The following SPG11 variants were observed in gnomAD, a reference collection of about 807,000 sequenced individuals.
SPG11 encodes SPG11 vesicle trafficking associated, spatacsin.
SPG11 carries 222 observed loss-of-function variants against 274.0 expected under a neutral mutation model. That is an observed-to-expected ratio of 0.81 (90% CI 0.73 to 0.91). The LOEUF is 0.91. Ranked by LOEUF, SPG11 falls within the 40% of genes least tolerant of loss-of-function variation. The pLI is 0.00. For synonymous variants in SPG11, 1,144 were observed against 1,039.7 expected (o/e 1.10, Z -1.93); for missense variants, 3,114 against 2,872.7 (o/e 1.08, Z -1.92).
rs577083743 is a variant in SPG11, at chr15:44,620,410, GA to G, written c.2621-8del. 42 of 1,582,598 alleles carry G rather than the reference GA, an allele frequency of 2.7e-5. No individual in the cohort carries two copies. Among genetic ancestry groups the G allele is most frequent in the Non-Finnish European group, 2.9e-5 (34 of 1,158,008 alleles). On this transcript the variant is annotated splice_region_variant and splice_polypyrimidine_tract_variant and intron_variant, in intron 14 of 39. Transcript: ENST00000261866. ...GGGGAATATGATTTGTATTCTACAT[GA>G]AAAAAAACACATTTTAAAATATAAT...
chr15:44,600,270 T>C, intron 21 of SPG11, 197 bp downstream of exon 21: 3 of 565,908 alleles, frequency 5.3e-6, no homozygotes, highest in Non-Finnish European at 9.4e-6. Flanking sequence ...TTTTTTAGAA[T>C]ACAAATTATA....
chr15:44,570,741 G>T (rs2082406448), intron 33 of SPG11, 83 bp from the exon 34 acceptor site: 1 of 1,550,876 alleles, frequency 6.4e-7, no homozygotes, highest in Non-Finnish European at 8.7e-7. Context: ...GGGAAAAAGG[G>T]CCTGGTGGAG....
intron 8 of SPG11, among the ~76,000 whole-genome samples, chr15:44,629,638 G>A (rs2084001060): frequency 6.6e-6 from 1 of 152,096 alleles, no homozygotes; most frequent in East Asian, 1.9e-4. Context: ...CTTAAGTACT[G>A]TACTTGTTGT....
At position 44,600,576 on chromosome 15, in the gene SPG11, T is replaced by C. The variant is rs760938937; in HGVS notation, c.3577A>G (p.Ile1193Val). 6.2e-6 allele frequency: 10 copies of C among 1,614,198 alleles called. No individual in the cohort carries two copies. In the South Asian group the frequency reaches 6.6e-5, roughly 11 times the overall value. ...SSPDLVNKYA[I>V]VERLNFAYYL... ...TAAGCAAAATTCAGACGTTCCACTA[T>C]AGCATATTTATTAACCAGGTCAGGG... Residue 1193 changes from isoleucine to valine, a missense_variant, in exon 21 of 40, where the codon ATA (isoleucine) becomes GTA (valine). Transcript: ENST00000261866.
intron 4 of SPG11, among the ~76,000 whole-genome samples, chr15:44,655,414 G>A (rs577978684): frequency 6.6e-6 from 1 of 152,282 alleles, no homozygotes; most frequent in African/African-American, 2.4e-5. Flanking sequence ...GAAAAGTCAT[G>A]ACATTGTAAG....
At chr15:44,585,980 G>GT in intron 28 of SPG11, 130 bp from the exon 29 acceptor site, 1 of 507,516 alleles carries the variant, frequency 2.0e-6, no homozygotes, top group Non-Finnish European at 3.3e-6. Context: ...AAAATAAAAA[G>GT]CTGTTTTTTT....
rs1419010792 is a variant in SPG11 at position 44,622,266 on chromosome 15, A to G, written c.2398T>C (p.Tyr800His). ...ATATTTTCTTGGAAATGTCCCAAAT[A>G]AAGCTTCTCAACTTGATGCACGAAG... ...IDFVHQVEKL[Y>H]LGHFQENMQI... The change falls in exon 13 of 40, where the codon TAT becomes CAT. Residue 800 changes from tyrosine to histidine, a missense_variant. By Grantham distance (83) the Tyr-to-His change is moderately conservative. Transcript: ENST00000261866. The G allele has an allele frequency of 1.2e-6, 2 of 1,611,024 alleles. No homozygotes were observed. The highest frequency in any genetic ancestry group is 2.7e-5 in the African/African-American group (2 of 74,874).
At chr15:44,632,253 T>C (rs2084088761) in intron 8 of SPG11, among the ~76,000 whole-genome samples, 1 of 152,202 alleles carries the variant, frequency 6.6e-6, no homozygotes, top group Non-Finnish European at 1.5e-5. Flanking sequence ...AGTTTGATGC[T>C]ATGGAACTTT....
chr15:44,659,737 C>T (rs1056184658), intron 2 of SPG11, among the ~76,000 whole-genome samples: 1 of 152,156 alleles, frequency 6.6e-6, no homozygotes, highest in African/African-American at 2.4e-5. Context: ...TCAGCACTGT[C>T]CAATAGAAAT....
chr15:44,568,811 A>C (rs1354009856), intron 35 of SPG11, among the ~76,000 whole-genome samples: 1 of 152,198 alleles, frequency 6.6e-6, no homozygotes, highest in Non-Finnish European at 1.5e-5. Context: ...CTGCCAGAGA[A>C]GGCATTTAAG....
intron 7 of SPG11, among the ~76,000 whole-genome samples, chr15:44,648,179 AC>A (rs1003144031): frequency 6.6e-6 from 1 of 152,220 alleles, no homozygotes; most frequent in Non-Finnish European, 1.5e-5. Context: ...ATAAAATCTT[AC>A]ATAAATTCAG....
intron 8 of SPG11, among the ~76,000 whole-genome samples, chr15:44,631,093 TC>T (rs1248381241): frequency 1.3e-5 from 2 of 152,190 alleles, no homozygotes; most frequent in African/African-American, 4.8e-5. Context: ...TTGTGCATAC[TC>T]TTAAACCTGG....
rs2083092103 is a variant in SPG11, at chr15:44,598,201, T to C, written c.4001+64A>G. On this transcript the variant is annotated intron_variant, in intron 23 of 39. Transcript: ENST00000261866. ...ACACCAGAGTTGTTCAAAGAAAAACTAGGCAAACACAGGTTGGCACAATAA... is the reference window on the plus strand; with the variant it reads ...ACACCAGAGTTGTTCAAAGAAAAACCAGGCAAACACAGGTTGGCACAATAA... 28 of 1,224,904 alleles carry C rather than the reference T, an allele frequency of 2.3e-5. No homozygotes were observed. The South Asian group carries it at 3.4e-4, about 15-fold the overall frequency. 75.9% of individuals were successfully genotyped at this position (1,224,904 alleles called of 1,614,324 possible).
At chr15:44,662,232 G>C (rs1009391227) in intron 1 of SPG11, among the ~76,000 whole-genome samples, 10 of 152,198 alleles carry the variant, frequency 6.6e-5, no homozygotes, top group African/African-American at 2.2e-4. Flanking sequence ...GACAAACCCA[G>C]AAGAGTTAAG....
Position 44,651,720 on chromosome 15 carries a change from T to G in SPG11, c.1227A>C (p.Pro409=), listed in dbSNP as rs150909768. The part of the protein sequence containing the change: ...LQKDHAKTSD[P]GRSWKIMHIS... ...TGTGCATTATTTTCCATGATCTTCC[T>G]GGATCACTGGTCTTGGCATGATCTT... Residue 409 remains proline (P), a synonymous_variant, in exon 6 of 40, where the codon CCA becomes CCC. Coordinates refer to ENST00000261866, the MANE Select transcript of SPG11 (RefSeq NM_025137.4). 2 of 1,614,266 alleles carry G rather than the reference T, an allele frequency of 1.2e-6. No individual in the cohort carries two copies. Among genetic ancestry groups the G allele is most frequent in the Non-Finnish European group, 8.5e-7 (1 of 1,180,042 alleles).
At chr15:44,595,144 CATT>C (rs1455308141) in intron 26 of SPG11, 112 bp downstream of exon 26, 2 of 1,013,026 alleles carry the variant, frequency 2.0e-6, no homozygotes, top group African/African-American at 3.2e-5. Flanking sequence ...ATATTATCAT[CATT>C]ATCTGTTGTT....
intron 30 of SPG11, among the ~76,000 whole-genome samples, chr15:44,579,395 G>A (rs1004931291): frequency 1.5e-4 from 22 of 149,590 alleles, no homozygotes; most frequent in African/African-American, 4.7e-4. Context: ...ATAGCTGGGC[G>A]TGGTGGCGCC....
At chr15:44,630,503 C>T (rs2084029539) in intron 8 of SPG11, among the ~76,000 whole-genome samples, 1 of 152,176 alleles carries the variant, frequency 6.6e-6, no homozygotes, top group South Asian at 2.1e-4. Flanking sequence ...GTTTTTAAAA[C>T]ATCAGAGCAT....
intron 15 of SPG11, among the ~76,000 whole-genome samples, chr15:44,619,628 T>G (rs192194626): frequency 1.3e-5 from 2 of 152,268 alleles, no homozygotes; most frequent in African/African-American, 4.8e-5. Flanking sequence ...AAACTTAACA[T>G]TTCTATACCA....
Sources: gnomAD v4.1 joint callset for allele counts (sites outside exome capture counted in the v4.1 genomes callset) on GRCh38, gnomAD v4.1.1 for gene constraint, MANE v1.5 for transcripts, NCBI Gene and HGNC (gene_info 2026-07-23, HGNC 2026-07-21) for gene names.